Variants in PRKG1 observed in about 807,000 individuals in gnomAD.
PRKG1 encodes the protein protein kinase cGMP-dependent 1.
Under a neutral mutation model 88.1 loss-of-function variants are expected in PRKG1, and 35 were observed. That is an observed-to-expected ratio of 0.40 (90% CI 0.30 to 0.53). The LOEUF is 0.53. PRKG1 is among the 20% of genes least tolerant of loss of function. The pLI is 0.59. For missense variants in PRKG1, 540 were observed against 839.8 expected (o/e 0.64, Z 4.41); for synonymous variants, 303 against 292.5 (o/e 1.04, Z -0.37).
intron 3 of PRKG1, among the ~76,000 whole-genome samples, chr10:51,709,237 T>C (rs2132429079): frequency 6.6e-6 from 1 of 152,336 alleles, no homozygotes; most frequent in African/African-American, 2.4e-5. Context: ...GTTCCCACCA[T>C]ATATAATGCG....
chr10:51,939,942 C>T (rs1454907983), intron 5 of PRKG1, among the ~76,000 whole-genome samples: 1 of 151,792 alleles, frequency 6.6e-6, no homozygotes, highest in African/African-American at 2.4e-5. Context: ...TGTTGAATTC[C>T]TAGAAAATTT....
chr10:51,393,374 A>G (rs951656086), intron 2 of PRKG1, among the ~76,000 whole-genome samples: 18 of 144,694 alleles, frequency 1.2e-4, no homozygotes, highest in Non-Finnish European at 2.2e-4. Flanking sequence ...CTCACTTTCC[A>G]GACTGGGCAG....
intron 2 of PRKG1, among the ~76,000 whole-genome samples, chr10:51,209,297 C>T (rs1838151328): frequency 6.6e-6 from 1 of 152,132 alleles, no homozygotes; most frequent in Non-Finnish European, 1.5e-5. Flanking sequence ...GATCGCTTAA[C>T]TGACAACCTC....
At chr10:51,064,036 C>T (rs1394699736) in intron 1 of PRKG1, among the ~76,000 whole-genome samples, 1 of 151,938 alleles carries the variant, frequency 6.6e-6, no homozygotes, top group Non-Finnish European at 1.5e-5. Context: ...TTTGCTTTAC[C>T]TTGTACTTTT....
At chr10:51,612,444 G>A (rs866823181) in intron 3 of PRKG1, among the ~76,000 whole-genome samples, 31 of 151,924 alleles carry the variant, frequency 2.0e-4, no homozygotes, top group African/African-American at 9.6e-5. Context: ...CATTATTGTT[G>A]TATAGAAATG....
intron 3 of PRKG1, among the ~76,000 whole-genome samples, chr10:51,741,344 G>A (rs1837428079): frequency 6.6e-6 from 1 of 151,974 alleles, no homozygotes; most frequent in Non-Finnish European, 1.5e-5. Context: ...TCAGAATAAT[G>A]TTATTGACAG....
At chr10:51,955,931 G>T (rs766167893) in intron 5 of PRKG1, among the ~76,000 whole-genome samples, 5 of 152,078 alleles carry the variant, frequency 3.3e-5, no homozygotes, top group African/African-American at 7.2e-5. Flanking sequence ...CACATGCCAA[G>T]CTTTCTGGGG....
chr10:51,427,222 G>T (rs902224364), intron 2 of PRKG1, among the ~76,000 whole-genome samples: 1 of 152,106 alleles, frequency 6.6e-6, no homozygotes, highest in Admixed American at 6.6e-5. Context: ...GAAGGGAGAG[G>T]CAGAGAGGGA....
At chr10:51,239,221 C>T (rs1003101286) in intron 2 of PRKG1, among the ~76,000 whole-genome samples, 4 of 152,016 alleles carry the variant, frequency 2.6e-5, no homozygotes, top group South Asian at 2.1e-4. Context: ...AAATAGCATC[C>T]GTAACCCAGA....
chr10:51,362,942 T>C (rs1564462349), intron 2 of PRKG1, among the ~76,000 whole-genome samples: 1 of 151,906 alleles, frequency 6.6e-6, no homozygotes, highest in African/African-American at 2.4e-5. Flanking sequence ...TTATGTAGTG[T>C]TACGATCAGC....
intron 5 of PRKG1, among the ~76,000 whole-genome samples, chr10:51,959,763 A>G (rs1843400525): frequency 1.3e-5 from 2 of 152,174 alleles, no homozygotes; most frequent in South Asian, 4.1e-4. Flanking sequence ...AGATGATGCC[A>G]AGATTTCTAA....
In PRKG1 at chr10:51,826,398, C is replaced by G. The variant is rs546555610; in HGVS notation, c.698+21708C>G. 3.8e-4 allele frequency among the ~76,000 whole-genome samples: 58 copies of G among 152,268 alleles called. No individual in the cohort carries two copies. In the South Asian group the frequency reaches 0.011, roughly 30 times the overall value. On this transcript the variant is annotated intron_variant, in intron 4 of 17. Transcript: ENST00000373980. The stretch of plus-strand genomic sequence containing the variant: ...TAGAGAAAATTTGTTTAGCTACTCC[C>G]TCTGGGAACCAAGAATCTTTCACTT...
chr10:51,332,625 C>G (rs1841770347), intron 2 of PRKG1, among the ~76,000 whole-genome samples: 1 of 152,144 alleles, frequency 6.6e-6, no homozygotes. Flanking sequence ...GATGTTAACC[C>G]AGTGACTGTA....
intron 1 of PRKG1, among the ~76,000 whole-genome samples, chr10:51,120,368 A>G (rs1324981574): frequency 6.6e-6 from 1 of 152,152 alleles, no homozygotes; most frequent in African/African-American, 2.4e-5. Flanking sequence ...CCCTGTGAAG[A>G]GGAAAAAGGT....
intron 3 of PRKG1, among the ~76,000 whole-genome samples, chr10:51,728,449 C>CTT (rs201683049): frequency 0.058 from 3,312 of 57,372 alleles, 120 homozygotes; most frequent in South Asian, 0.12. Flanking sequence ...TCCATTTTTT[C>CTT]TTTGTTTTTT....
intron 9 of PRKG1, among the ~76,000 whole-genome samples, chr10:52,250,390 A>G (rs1291382993): frequency 6.6e-6 from 1 of 152,236 alleles, no homozygotes; most frequent in East Asian, 1.9e-4. Context: ...AAGCTTACCT[A>G]GAAAGCTGTT....
chr10:51,610,435 T>A (rs1236462651), intron 3 of PRKG1, among the ~76,000 whole-genome samples: 1 of 152,208 alleles, frequency 6.6e-6, no homozygotes, highest in Non-Finnish European at 1.5e-5. Context: ...ATGACCTCTC[T>A]CCAGTTCCAC....
intron 2 of PRKG1, among the ~76,000 whole-genome samples, chr10:51,433,857 C>A (rs887285913): frequency 6.6e-6 from 1 of 152,092 alleles, no homozygotes; most frequent in African/African-American, 2.4e-5. Flanking sequence ...ATGGTATTAA[C>A]CATACTTAGT....
chr10:52,048,001 T>C (rs77227297), intron 5 of PRKG1, among the ~76,000 whole-genome samples: 9,737 of 152,174 alleles, frequency 0.064, 431 homozygotes, highest in Non-Finnish European at 0.1. Context: ...ACATGAGATA[T>C]ACATGTATAT....
Sources: allele counts gnomAD v4.1 joint callset (sites outside exome capture counted in the v4.1 genomes callset), GRCh38; gene constraint gnomAD v4.1.1; transcripts MANE v1.5; gene names NCBI Gene and HGNC (gene_info 2026-07-23, HGNC 2026-07-21).